The following FAM110B variants were observed in gnomAD, a reference collection of about 807,000 sequenced individuals.
FAM110B encodes the protein family with sequence similarity 110 member B.
Under a neutral mutation model 20.4 loss-of-function variants are expected in FAM110B, and 6 were observed. That is an observed-to-expected ratio of 0.29 (90% CI 0.16 to 0.58). The LOEUF (loss-of-function observed/expected upper bound fraction) is 0.58. FAM110B is among the 20% of genes least tolerant of loss of function. The pLI is 0.90. For synonymous variants in FAM110B, 226 were observed against 214.1 expected (o/e 1.06, Z -0.49); for missense variants, 434 against 498.2 (o/e 0.87, Z 1.23).
intron 3 of FAM110B, among the ~76,000 whole-genome samples, chr8:58,079,782 T>TAA (rs34849809): frequency 6.8e-6 from 1 of 146,586 alleles, no homozygotes; most frequent in Non-Finnish European, 1.5e-5. Context: ...ACCCTATCTT[T>TAA]AAAAAAAAAA....
chr8:58,045,842 A>G (rs1452692922), intron 2 of FAM110B, among the ~76,000 whole-genome samples: 1 of 152,214 alleles, frequency 6.6e-6, no homozygotes, highest in Non-Finnish European at 1.5e-5. Context: ...AGGCTGAGTA[A>G]TATATAAACA....
At chr8:58,097,029 C>T (rs1206744342) in intron 3 of FAM110B, among the ~76,000 whole-genome samples, 1 of 152,134 alleles carries the variant, frequency 6.6e-6, no homozygotes, top group Non-Finnish European at 1.5e-5. Flanking sequence ...CTTGAGGTCG[C>T]TCTTCTCGAG....
chr8:58,025,999 G>C (rs1804848872), intron 1 of FAM110B, among the ~76,000 whole-genome samples: 1 of 152,178 alleles, frequency 6.6e-6, no homozygotes, highest in Admixed American at 6.5e-5. Context: ...ACTTAGTAGT[G>C]GGGGTTAGCA....
chr8:58,110,897 T>C (rs563944029), intron 3 of FAM110B, among the ~76,000 whole-genome samples: 12 of 152,172 alleles, frequency 7.9e-5, no homozygotes, highest in Non-Finnish European at 1.3e-4. Flanking sequence ...TTTAAATAGC[T>C]GTGAAAGGTG....
intron 2 of FAM110B, among the ~76,000 whole-genome samples, chr8:58,054,424 A>G (rs1358952161): frequency 1.3e-5 from 2 of 152,176 alleles, no homozygotes; most frequent in African/African-American, 4.8e-5. Flanking sequence ...ATCAAGCAGA[A>G]TATTTCTATA....
At chr8:58,104,795 CA>C (rs1806868943) in intron 3 of FAM110B, among the ~76,000 whole-genome samples, 1 of 152,086 alleles carries the variant, frequency 6.6e-6, no homozygotes, top group Non-Finnish European at 1.5e-5. Flanking sequence ...TGACATGACT[CA>C]GCGATTTCTT....
intron 3 of FAM110B, among the ~76,000 whole-genome samples, chr8:58,122,956 C>T (rs1325537425): frequency 2.0e-5 from 3 of 152,146 alleles, no homozygotes; most frequent in African/African-American, 4.8e-5. Context: ...CTTCAGCAGG[C>T]GTCTCCCCCA....
rs895464704 is a variant in FAM110B, at chr8:58,148,247, G to A, written c.*904G>A. 4 of 120,788 alleles carry A rather than the reference G, an allele frequency of 3.3e-5. No individual in the cohort carries two copies. Among genetic ancestry groups the A allele is most frequent in the African/African-American group, 1.5e-4 (4 of 25,878 alleles). The allele number at this position is 120,788 out of a possible 1,614,324, so 7.5% of individuals were successfully genotyped here. ...CTCTCCCTTTGTTGTTATTTGATTTGGGGGAAGGGAGTGAGGCTTGTGCAG... is the reference window on the plus strand; with the variant it reads ...CTCTCCCTTTGTTGTTATTTGATTTAGGGGAAGGGAGTGAGGCTTGTGCAG... On this transcript the variant is annotated 3_prime_UTR_variant, in exon 4 of 4. Transcript: ENST00000519262.
chr8:58,001,200 T>C (rs1231070549), intron 1 of FAM110B, among the ~76,000 whole-genome samples: 1 of 152,208 alleles, frequency 6.6e-6, no homozygotes, highest in African/African-American at 2.4e-5. Flanking sequence ...TCCTCTCTTA[T>C]TGGTGGAGAG....
intron 3 of FAM110B, among the ~76,000 whole-genome samples, chr8:58,107,538 T>A (rs1261208962): frequency 6.6e-6 from 1 of 152,252 alleles, no homozygotes; most frequent in Non-Finnish European, 1.5e-5. Flanking sequence ...GCATGCAGAA[T>A]GTTTTGATTT....
chr8:58,094,643 C>T (rs544775028), intron 3 of FAM110B, among the ~76,000 whole-genome samples: 8 of 152,108 alleles, frequency 5.3e-5, no homozygotes, highest in Non-Finnish European at 1.0e-4. Flanking sequence ...CTGCCAGATT[C>T]GGTTTGCCAG....
intron 3 of FAM110B, among the ~76,000 whole-genome samples, chr8:58,143,940 C>A (rs755384741): frequency 6.6e-6 from 1 of 152,232 alleles, no homozygotes; most frequent in Non-Finnish European, 1.5e-5. Context: ...TTCAGTCATT[C>A]ACCAATATTC....
intron 1 of FAM110B, among the ~76,000 whole-genome samples, chr8:58,001,329 T>C (rs1804289913): frequency 6.6e-6 from 1 of 152,132 alleles, no homozygotes. Flanking sequence ...GAATTTTCCA[T>C]GGAAGCAGTG....
chr8:58,026,122 T>C (rs1246595787), intron 1 of FAM110B, among the ~76,000 whole-genome samples: 7 of 152,260 alleles, frequency 4.6e-5, no homozygotes, highest in African/African-American at 1.7e-4. Context: ...GGTTGACCCA[T>C]TGAGTACAGG....
At chr8:58,043,355 C>G (rs895185707) in intron 2 of FAM110B, 1 of 152,216 alleles carries the variant, frequency 6.6e-6, no homozygotes, top group Non-Finnish European at 1.5e-5. Flanking sequence ...GGGATTTTAA[C>G]TTTGTCAGAA....
chr8:58,019,582 C>T (rs1804708456), intron 1 of FAM110B, among the ~76,000 whole-genome samples: 1 of 151,930 alleles, frequency 6.6e-6, no homozygotes, highest in African/African-American at 2.4e-5. Flanking sequence ...CCGAAAACTT[C>T]TTGAATTTGC....
intron 3 of FAM110B, among the ~76,000 whole-genome samples, chr8:58,138,634 TC>T (rs1280826880): frequency 2.6e-5 from 4 of 152,196 alleles, no homozygotes; most frequent in Non-Finnish European, 4.4e-5. Flanking sequence ...CTATTCCCAT[TC>T]CAGTAGACTT....
At chr8:58,010,029 C>A (rs1391494397) in intron 1 of FAM110B, among the ~76,000 whole-genome samples, 1 of 152,000 alleles carries the variant, frequency 6.6e-6, no homozygotes, top group Non-Finnish European at 1.5e-5. Flanking sequence ...TGGTGAAACT[C>A]GGTTTGAGAC....
At chr8:58,111,434 A>G (rs948108672) in intron 3 of FAM110B, among the ~76,000 whole-genome samples, 1 of 152,172 alleles carries the variant, frequency 6.6e-6, no homozygotes, top group Non-Finnish European at 1.5e-5. Context: ...AATAATTGTG[A>G]GAGGTTGGGG....
Sources: allele counts gnomAD v4.1 joint callset (sites outside exome capture counted in the v4.1 genomes callset), GRCh38; gene constraint gnomAD v4.1.1; transcripts MANE v1.5; gene names NCBI Gene and HGNC (gene_info 2026-07-23, HGNC 2026-07-21).